The following HMGA2 variants were observed in gnomAD, a reference collection of about 807,000 sequenced individuals.
HMGA2 encodes high mobility group AT-hook 2.
HMGA2 carries 8 observed loss-of-function variants against 19.1 expected under a neutral mutation model. That is an observed-to-expected ratio of 0.42 (90% confidence interval 0.25 to 0.76). The LOEUF (loss-of-function observed/expected upper bound fraction) is 0.76. Ranked by LOEUF, HMGA2 falls within the 30% of genes least tolerant of loss-of-function variation. The pLI is 0.28. For synonymous variants in HMGA2, 60 were observed against 48.8 expected, an observed-to-expected ratio of 1.23 and a Z score of -0.96; for missense variants, 109 against 136.3, an observed-to-expected ratio of 0.80 and a Z score of 1.00.
At chr12:65,839,515 C>G (rs1311698580) in intron 3 of HMGA2, among the ~76,000 whole-genome samples, 1 of 151,928 alleles carries the variant, frequency 6.6e-6, no homozygotes, top group Non-Finnish European at 1.5e-5. Context: ...TTCCTGTTTG[C>G]CATTCCTTTC....
At chr12:65,851,567 G>C in intron 3 of HMGA2, 3 of 380,058 alleles carry the variant, frequency 7.9e-6, no homozygotes, top group Non-Finnish European at 1.6e-5. Context: ...GCGGGCACCT[G>C]TAATTCCAGC....
Position 65,933,403 on chromosome 12 carries a change from C to T in HMGA2, c.250-17980C>T, listed in dbSNP as rs140883549. Among the ~76,000 whole-genome samples the T allele has an allele frequency of 7.2e-3, 1,103 of 152,144 alleles. 11 individuals are homozygous for T. Among genetic ancestry groups the T allele is most frequent in the African/African-American group, 0.023 (969 of 41,510 alleles). On this transcript the variant is annotated intron_variant, in intron 3 of 4. Coordinates refer to ENST00000403681, the MANE Select transcript of HMGA2 (RefSeq NM_003483.6). ...ACTAAGCTGTAAGTTTTCTTTAAAC[C>T]TCCTTAATATTTTGTCCTTTAAGCA...
At chr12:65,868,364 T>C (rs1872541949) in intron 3 of HMGA2, among the ~76,000 whole-genome samples, 1 of 152,086 alleles carries the variant, frequency 6.6e-6, no homozygotes. Context: ...GTTCAGAACA[T>C]GTCAAAGAGC....
chr12:65,915,344 C>T (rs1296385902), intron 3 of HMGA2: 1 of 1,358,462 alleles, frequency 7.4e-7, no homozygotes, highest in Non-Finnish European at 9.5e-7. Context: ...CATATGGCAC[C>T]CTTGTACGAA....
chr12:65,942,520 T>A (rs1392998944), intron 3 of HMGA2: 3 of 152,166 alleles, frequency 2.0e-5, no homozygotes, highest in Non-Finnish European at 2.9e-5. Context: ...GTAACATTAA[T>A]CTCACAATTT....
chr12:65,881,652 A>C, intron 3 of HMGA2: 1 of 637,130 alleles, frequency 1.6e-6, no homozygotes, highest in Non-Finnish European at 2.9e-6. Flanking sequence ...GGGAGGGAGA[A>C]AGAGAGAGAG....
intron 3 of HMGA2, among the ~76,000 whole-genome samples, chr12:65,861,840 A>T (rs1401496259): frequency 1.3e-5 from 2 of 149,814 alleles, no homozygotes; most frequent in Non-Finnish European, 3.0e-5. Context: ...TTTGTGCAAC[A>T]TGTTTCTTTT....
intron 2 of HMGA2, among the ~76,000 whole-genome samples, chr12:65,830,504 A>G (rs1196206314): frequency 6.6e-6 from 1 of 151,978 alleles, no homozygotes; most frequent in Non-Finnish European, 1.5e-5. Flanking sequence ...GACCCATCAC[A>G]ATGCAAAATA....
At position 65,844,026 on chromosome 12, in the gene HMGA2, G is replaced by A. The variant is rs565597241; in HGVS notation, c.249+5457G>A. Among the ~76,000 whole-genome samples, 64 of 146,758 alleles carry A rather than the reference G, an allele frequency of 4.4e-4. 1 individual carries two copies. The highest frequency in any genetic ancestry group is 1.6e-3 in the African/African-American group (60 of 38,408). ...TGATCATGCCACTGCACTACAGCCTGGGCAACAGAGCAAGACTCCATCTCA... is the reference window on the plus strand; with the variant it reads ...TGATCATGCCACTGCACTACAGCCTAGGCAACAGAGCAAGACTCCATCTCA... On this transcript the variant is annotated intron_variant, in intron 3 of 4. Transcript: ENST00000403681.
chr12:65,828,413 C>T (rs1009479120), intron 2 of HMGA2: 55 of 332,936 alleles, frequency 1.7e-4, no homozygotes, highest in Admixed American at 4.3e-5. Flanking sequence ...ATATTTGCAC[C>T]AGTTGTAAAT....
rs1235921290 is a variant in HMGA2, at chr12:65,965,096, G to A, written c.*1804G>A. On this transcript the variant is annotated 3_prime_UTR_variant, in exon 5 of 5. Coordinates refer to ENST00000403681, the MANE Select transcript of HMGA2 (RefSeq NM_003483.6). Reference sequence around the variant, plus strand: ...AAAGACATTTGATAGAAAGGAACACGTTTTTACATACTTTTGCAAAATAAG... The same window carrying A: ...AAAGACATTTGATAGAAAGGAACACATTTTTACATACTTTTGCAAAATAAG... 3 of 192,060 alleles carry A rather than the reference G, an allele frequency of 1.6e-5. No homozygotes were observed. The highest frequency in any genetic ancestry group is 4.7e-5 in the African/African-American group (2 of 42,958). The allele number at this position is 192,060 out of a possible 1,614,324, so 11.9% of individuals were successfully genotyped here.
intron 3 of HMGA2, among the ~76,000 whole-genome samples, chr12:65,944,625 C>T (rs1876198087): frequency 6.7e-6 from 1 of 149,970 alleles, no homozygotes. Context: ...TTGCCTAATA[C>T]AGCCTAATGA....
chr12:65,902,309 G>A (rs182221537), intron 3 of HMGA2, among the ~76,000 whole-genome samples: 6 of 152,172 alleles, frequency 3.9e-5, no homozygotes, highest in Admixed American at 3.3e-4. Context: ...CACCTGTTAT[G>A]TGCTACATTC....
At chr12:65,954,119 C>T (rs1050826570) in intron 4 of HMGA2, 1 of 152,180 alleles carries the variant, frequency 6.6e-6, no homozygotes, top group African/African-American at 2.4e-5. Flanking sequence ...ATTTATCCAT[C>T]TAGGAAATGG....
chr12:65,852,478 G>C (rs745499824), intron 3 of HMGA2, among the ~76,000 whole-genome samples: 50 of 152,230 alleles, frequency 3.3e-4, no homozygotes, highest in Admixed American at 5.9e-4. Flanking sequence ...ACTCTGGCCT[G>C]GGTGACAGAG....
chr12:65,943,413 A>G lies in HMGA2; in HGVS notation c.250-7970A>G, dbSNP rs141676444. Among the ~76,000 whole-genome samples the G allele has an allele frequency of 2.4e-3, 364 of 152,316 alleles. 1 individual carries two copies. Among genetic ancestry groups the G allele is most frequent in the South Asian group, 5.6e-3 (27 of 4,824 alleles). The stretch of plus-strand genomic sequence containing the variant: ...CCAGTCTGTTCTCATGAGAGCTGCT[A>G]TGGCTCATTGCCACACATACGCAGT... On this transcript the variant is annotated intron_variant, in intron 3 of 4. Coordinates refer to ENST00000403681, the MANE Select transcript of HMGA2 (RefSeq NM_003483.6).
At chr12:65,907,594 T>C (rs1874654453) in intron 3 of HMGA2, among the ~76,000 whole-genome samples, 1 of 151,922 alleles carries the variant, frequency 6.6e-6, no homozygotes, top group Admixed American at 6.6e-5. Flanking sequence ...GGCCTATTCT[T>C]TGGGGAGTTC....
chr12:65,926,227 G>A (rs1486953100), intron 3 of HMGA2, among the ~76,000 whole-genome samples: 1 of 152,208 alleles, frequency 6.6e-6, no homozygotes, highest in Non-Finnish European at 1.5e-5. Flanking sequence ...TAACAACAGT[G>A]GAGTCTTGTG....
At chr12:65,866,130 C>T (rs1872397465) in intron 3 of HMGA2, among the ~76,000 whole-genome samples, 1 of 152,138 alleles carries the variant, frequency 6.6e-6, no homozygotes, top group South Asian at 2.1e-4. Context: ...TTGAGACTGA[C>T]TCCTAAGGAA....
Sources: allele counts gnomAD v4.1 joint callset (sites outside exome capture counted in the v4.1 genomes callset), GRCh38; gene constraint gnomAD v4.1.1; transcripts MANE v1.5; gene names NCBI Gene and HGNC (gene_info 2026-07-23, HGNC 2026-07-21).